Variants in FHIT observed in about 807,000 individuals in gnomAD.
FHIT encodes the protein fragile histidine triad diadenosine triphosphatase.
In FHIT, 19 loss-of-function variants were observed where a neutral mutation model predicts 17.9. The observed-to-expected ratio is 1.06, with a 90% CI of 0.74 to 1.56. The LOEUF (loss-of-function observed/expected upper bound fraction) is 1.56. FHIT is among the 40% of genes most tolerant of loss of function. The probability of loss-of-function intolerance (pLI) is 0.00; values close to 1 mark genes in which losing one functional copy is unlikely to be tolerated. For synonymous variants in FHIT, 81 were observed against 69.7 expected (o/e 1.16, Z -0.81); for missense variants, 248 against 189.2 (o/e 1.31, Z -1.82).
chr3:60,761,456 T>G (rs2108054219), intron 4 of FHIT, among the ~76,000 whole-genome samples: 1 of 152,244 alleles, frequency 6.6e-6, no homozygotes, highest in East Asian at 1.9e-4. Flanking sequence ...TGACACATGG[T>G]TTCTATTTAC....
intron 3 of FHIT, among the ~76,000 whole-genome samples, chr3:61,025,428 G>C (rs751754615): frequency 6.6e-6 from 1 of 152,188 alleles, no homozygotes; most frequent in Non-Finnish European, 1.5e-5. Flanking sequence ...AGTGCTAAAT[G>C]TGTGAAACTC....
chr3:60,790,283 A>G (rs1162945010), intron 4 of FHIT, among the ~76,000 whole-genome samples: 1 of 152,220 alleles, frequency 6.6e-6, no homozygotes, highest in Admixed American at 6.5e-5. Flanking sequence ...TCAGTGAAGG[A>G]AGGACAAGTC....
At chr3:59,784,015 T>C (rs1341164058) in intron 8 of FHIT, among the ~76,000 whole-genome samples, 2 of 152,298 alleles carry the variant, frequency 1.3e-5, no homozygotes, top group East Asian at 1.9e-4. Context: ...AGTTGAAAGA[T>C]GATATTGACT....
chr3:61,098,135 A>G (rs2035701040), intron 2 of FHIT, among the ~76,000 whole-genome samples: 1 of 152,186 alleles, frequency 6.6e-6, no homozygotes, highest in Non-Finnish European at 1.5e-5. Flanking sequence ...ATATGATATA[A>G]GGAAGGGGTT....
At chr3:60,548,178 G>C (rs550920615) in intron 4 of FHIT, among the ~76,000 whole-genome samples, 4 of 151,688 alleles carry the variant, frequency 2.6e-5, no homozygotes, top group African/African-American at 9.7e-5. Flanking sequence ...ACTCTTCATA[G>C]AGAATATTAT....
intron 3 of FHIT, among the ~76,000 whole-genome samples, chr3:60,958,900 A>G (rs1408319860): frequency 6.6e-6 from 1 of 152,220 alleles, no homozygotes; most frequent in Non-Finnish European, 1.5e-5. Flanking sequence ...TTATTTAGCA[A>G]TGGAATTATA....
chr3:60,909,877 C>G (rs1333413361), intron 3 of FHIT, among the ~76,000 whole-genome samples: 3 of 152,152 alleles, frequency 2.0e-5, no homozygotes, highest in Admixed American at 6.5e-5. Context: ...CAGCCTGCCT[C>G]AGTATATGGT....
chr3:61,084,837 C>T (rs1043306760), intron 2 of FHIT, among the ~76,000 whole-genome samples: 1 of 152,172 alleles, frequency 6.6e-6, no homozygotes, highest in Non-Finnish European at 1.5e-5. Flanking sequence ...ACTCCCCACA[C>T]CAGGCAGCAA....
At chr3:60,069,420 C>T (rs1464965547) in intron 5 of FHIT, among the ~76,000 whole-genome samples, 6 of 152,090 alleles carry the variant, frequency 3.9e-5, no homozygotes, top group South Asian at 2.1e-4. Context: ...TCTAATGTAA[C>T]CTATGTCAAT....
intron 4 of FHIT, among the ~76,000 whole-genome samples, chr3:60,611,347 AC>A (rs1383300949): frequency 6.6e-6 from 1 of 152,200 alleles, no homozygotes; most frequent in Non-Finnish European, 1.5e-5. Flanking sequence ...GCCAAGTATC[AC>A]AGAAATATAT....
chr3:59,915,140 C>G (rs73841810), intron 8 of FHIT, among the ~76,000 whole-genome samples: 1 of 152,098 alleles, frequency 6.6e-6, no homozygotes, highest in Non-Finnish European at 1.5e-5. Flanking sequence ...AAGGACACCT[C>G]GGAGGAGGCA....
chr3:59,812,810 A>AT (rs1700454408), intron 8 of FHIT, among the ~76,000 whole-genome samples: 1 of 152,076 alleles, frequency 6.6e-6, no homozygotes, highest in Admixed American at 6.5e-5. Context: ...ATGCTGTTTG[A>AT]TTTTTCCTGC....
At chr3:61,163,352 C>T (rs1211754011) in intron 2 of FHIT, among the ~76,000 whole-genome samples, 1 of 152,218 alleles carries the variant, frequency 6.6e-6, no homozygotes, top group Non-Finnish European at 1.5e-5. Flanking sequence ...TAGAATAATG[C>T]TCGCTGATGG....
At chr3:60,427,744 C>G (rs528149605) in intron 5 of FHIT, among the ~76,000 whole-genome samples, 58 of 152,218 alleles carry the variant, frequency 3.8e-4, no homozygotes, top group Non-Finnish European at 6.9e-4. Flanking sequence ...GCTCTTCTCT[C>G]TTAAGTCATG....
At chr3:60,315,744 C>G (rs1378757578) in intron 5 of FHIT, among the ~76,000 whole-genome samples, 2 of 152,178 alleles carry the variant, frequency 1.3e-5, no homozygotes, top group Non-Finnish European at 2.9e-5. Context: ...ATGAATAAAG[C>G]TGTTATGAAC....
chr3:59,949,246 CTT>C (rs1466765648), intron 7 of FHIT, among the ~76,000 whole-genome samples: 2 of 152,216 alleles, frequency 1.3e-5, no homozygotes, highest in Non-Finnish European at 2.9e-5. Context: ...CGAGTGATCT[CTT>C]CTTTCCCTAA....
intron 5 of FHIT, among the ~76,000 whole-genome samples, chr3:60,361,925 C>A (rs1553753948): frequency 6.6e-6 from 1 of 151,954 alleles, no homozygotes; most frequent in Non-Finnish European, 1.5e-5. Context: ...CTCTCATTTA[C>A]AAAAAAAGTT....
chr3:60,148,437 T>C (rs946482414), intron 5 of FHIT, among the ~76,000 whole-genome samples: 2 of 152,228 alleles, frequency 1.3e-5, no homozygotes, highest in Non-Finnish European at 1.5e-5. Flanking sequence ...ATAGTATTTA[T>C]TTTTATCCTA....
chr3:59,892,569 C>G (rs915833722), intron 8 of FHIT, among the ~76,000 whole-genome samples: 7 of 152,100 alleles, frequency 4.6e-5, no homozygotes, highest in Admixed American at 1.3e-4. Flanking sequence ...GAGTTAAGAG[C>G]TGGAAAATTA....
Sources: gnomAD v4.1 joint callset for allele counts (sites outside exome capture counted in the v4.1 genomes callset) on GRCh38, gnomAD v4.1.1 for gene constraint, MANE v1.5 for transcripts, NCBI Gene and HGNC (gene_info 2026-07-23, HGNC 2026-07-21) for gene names.